Variants in KCNT2 observed in about 807,000 individuals in gnomAD.
KCNT2 encodes the protein potassium sodium-activated channel subfamily T member 2, also known as potassium channel subfamily T member 2.
KCNT2 carries 67 observed loss-of-function variants against 153.8 expected under a neutral mutation model. The ratio of observed to expected loss-of-function variants is 0.44; its 90% CI spans 0.36 to 0.53. The LOEUF (loss-of-function observed/expected upper bound fraction) is 0.53. Among genes scored for constraint, KCNT2 ranks in the 20% least tolerant of loss-of-function variants. KCNT2 has a pLI of 0.00. For missense variants in KCNT2, 975 were observed against 1,354.8 expected (o/e 0.72, Z 4.40); for synonymous variants, 500 against 458.8 (o/e 1.09, Z -1.15).
intron 14 of KCNT2, among the ~76,000 whole-genome samples, chr1:196,348,034 G>C (rs546062899): frequency 1.3e-5 from 2 of 152,174 alleles, no homozygotes; most frequent in South Asian, 4.2e-4. Context: ...CCGACACAGA[G>C]GAAGAGCTTA....
Position 196,326,767 on chromosome 1 carries a change from A to G in KCNT2, c.2226T>C (p.Tyr742=). The change falls in exon 19 of 28, where the codon TAT becomes TAC. Residue 742 remains tyrosine, a synonymous_variant. Transcript: ENST00000294725. ...LYNFIVPLRA[Y]YRPKKELNPI... is the part of the protein sequence containing the mutation. ...GATTAAGTTCTTTCTTTGGTCTATA[A>G]TATGCCCTGAGAGGAACAATAAAGT... 1.3e-6 allele frequency: 2 copies of G among 1,574,346 alleles called. No homozygotes were observed. Among genetic ancestry groups the G allele is most frequent in the Non-Finnish European group, 1.7e-6 (2 of 1,164,516 alleles).
At chr1:196,474,598 A>G (rs955091245) in intron 5 of KCNT2, among the ~76,000 whole-genome samples, 12 of 152,312 alleles carry the variant, frequency 7.9e-5, no homozygotes, top group East Asian at 3.9e-4. Flanking sequence ...TGATTATGGA[A>G]AAAAAGAATT....
At chr1:196,488,892 C>A (rs1249686895) in intron 3 of KCNT2, among the ~76,000 whole-genome samples, 1 of 151,968 alleles carries the variant, frequency 6.6e-6, no homozygotes, top group Non-Finnish European at 1.5e-5. Context: ...AAGGGCAATG[C>A]TTTGGCTGTT....
chr1:196,434,572 C>CT (rs1674451642), intron 8 of KCNT2, among the ~76,000 whole-genome samples: 1 of 151,892 alleles, frequency 6.6e-6, no homozygotes, highest in Non-Finnish European at 1.5e-5. Context: ...AAAGAAACCT[C>CT]TATAACCTGT....
At chr1:196,594,039 C>T (rs996049507) in intron 1 of KCNT2, among the ~76,000 whole-genome samples, 3 of 151,906 alleles carry the variant, frequency 2.0e-5, no homozygotes, top group Non-Finnish European at 4.4e-5. Flanking sequence ...CATCTCAATT[C>T]TGTATAACTA....
rs566261165 is a variant in KCNT2, at chr1:196,292,719, A to G, written c.2596-6961T>C. 6.0e-5 allele frequency among the ~76,000 whole-genome samples: 9 copies of G among 150,336 alleles called. No homozygotes were observed. The East Asian group carries it at 1.8e-3, about 30-fold the overall frequency. ...CTACTCGGGAGGCTGAGGCAGGAGAATGGCGTGAACCCGGGAGGCGGGGCG... is the reference window on the plus strand; with the variant it reads ...CTACTCGGGAGGCTGAGGCAGGAGAGTGGCGTGAACCCGGGAGGCGGGGCG... On this transcript the variant is annotated intron_variant, in intron 22 of 27. Transcript: ENST00000294725.
At chr1:196,294,135 A>T (rs1426137797) in intron 22 of KCNT2, among the ~76,000 whole-genome samples, 1 of 152,150 alleles carries the variant, frequency 6.6e-6, no homozygotes, top group Non-Finnish European at 1.5e-5. Context: ...GGAAATGCAA[A>T]TTAAAGCTAC....
chr1:196,453,396 G>C (rs533681085), intron 8 of KCNT2, among the ~76,000 whole-genome samples: 1 of 151,858 alleles, frequency 6.6e-6, no homozygotes, highest in Admixed American at 6.6e-5. Flanking sequence ...GTAAGGCAGC[G>C]CCATGATACT....
At chr1:196,346,874 G>T in intron 14 of KCNT2, among the ~76,000 whole-genome samples, 1 of 152,004 alleles carries the variant, frequency 6.6e-6, no homozygotes, top group Middle Eastern at 3.2e-3. Flanking sequence ...GTTTTCTGGA[G>T]GATTTCTGGT....
intron 1 of KCNT2, among the ~76,000 whole-genome samples, chr1:196,583,398 C>A (rs1662294314): frequency 6.6e-6 from 1 of 151,988 alleles, no homozygotes; most frequent in Non-Finnish European, 1.5e-5. Context: ...GAAATGTCTG[C>A]TGAACATGAA....
chr1:196,343,468 A>G (rs1167126274), intron 14 of KCNT2, among the ~76,000 whole-genome samples: 1 of 152,198 alleles, frequency 6.6e-6, no homozygotes, highest in Non-Finnish European at 1.5e-5. Flanking sequence ...AAAATAATTT[A>G]TCATAATCTC....
At chr1:196,307,109 AC>A (rs1475392053) in intron 21 of KCNT2, among the ~76,000 whole-genome samples, 1 of 152,066 alleles carries the variant, frequency 6.6e-6, no homozygotes, top group Non-Finnish European at 1.5e-5. Context: ...GCAACTGATA[AC>A]TTTTTCAATA....
At position 196,521,113 on chromosome 1, in the gene KCNT2, C is replaced by T. The variant is rs375000856; in HGVS notation, c.96-28772G>A. On this transcript the variant is annotated intron_variant, in intron 1 of 27. Coordinates refer to ENST00000294725, the MANE Select transcript of KCNT2 (RefSeq NM_198503.5). ...TACTAGAAAAAAGAAAACAAGTAGC[C>T]CCATTAAAAAGTGGGCAAATGACAT... Among the ~76,000 whole-genome samples the T allele has an allele frequency of 5.7e-4, 87 of 151,890 alleles. 1 individual carries two copies. Among genetic ancestry groups the T allele is most frequent in the African/African-American group, 2.1e-3 (85 of 41,442 alleles).
intron 12 of KCNT2, among the ~76,000 whole-genome samples, chr1:196,412,174 C>G (rs1173827446): frequency 6.6e-6 from 1 of 151,732 alleles, no homozygotes; most frequent in Admixed American, 6.6e-5. Context: ...CCTAACATTT[C>G]ATATGATCTC....
At chr1:196,578,076 T>C (rs1334167783) in intron 1 of KCNT2, among the ~76,000 whole-genome samples, 1 of 152,180 alleles carries the variant, frequency 6.6e-6, no homozygotes, top group Admixed American at 6.6e-5. Flanking sequence ...CTATACTTTC[T>C]GCTGTAGTAG....
intron 27 of KCNT2, among the ~76,000 whole-genome samples, chr1:196,235,061 C>G (rs1654309275): frequency 6.6e-6 from 1 of 151,412 alleles, no homozygotes; most frequent in Non-Finnish European, 1.5e-5. Context: ...TGCTGTCCAT[C>G]ATCTATAAGG....
chr1:196,479,052 G>C, intron 5 of KCNT2, 127 bp downstream of exon 5: 1 of 639,466 alleles, frequency 1.6e-6, no homozygotes, highest in Non-Finnish European at 2.8e-6. Context: ...CTACTGGAGC[G>C]GCTCAAAACA....
At chr1:196,495,909 T>C (rs2148746267) in intron 1 of KCNT2, among the ~76,000 whole-genome samples, 2 of 152,336 alleles carry the variant, frequency 1.3e-5, no homozygotes, top group Middle Eastern at 6.8e-3. Flanking sequence ...AACAACATTT[T>C]ATTTGGGTAA....
At position 196,326,716 on chromosome 1, in the gene KCNT2, C is replaced by T. The variant is rs773222585; in HGVS notation, c.2276+1G>A. 3.4e-6 allele frequency: 5 copies of T among 1,490,706 alleles called. No individual in the cohort carries two copies. Among genetic ancestry groups the T allele is most frequent in the South Asian group, 2.7e-5 (2 of 73,734 alleles). The allele number at this position is 1,490,706 out of a possible 1,614,324, so 92.3% of individuals were successfully genotyped here. On this transcript the variant is annotated splice_donor_variant, in intron 19 of 27. Coordinates refer to ENST00000294725, the MANE Select transcript of KCNT2 (RefSeq NM_198503.5). LOFTEE classifies it high-confidence loss of function. ...GTTTGTGTATCTTAAAATATACTTACGGGTTATCCAATAGCAGTACTATGG... is the reference window on the plus strand; with the variant it reads ...GTTTGTGTATCTTAAAATATACTTATGGGTTATCCAATAGCAGTACTATGG...
Sources: gnomAD v4.1 joint callset for allele counts (sites outside exome capture counted in the v4.1 genomes callset) on GRCh38, gnomAD v4.1.1 for gene constraint, MANE v1.5 for transcripts, NCBI Gene and HGNC (gene_info 2026-07-23, HGNC 2026-07-21) for gene names.